MTUS1: variants seen among roughly 807,000 people sequenced by gnomAD.
The protein encoded by MTUS1 is microtubule associated scaffold protein 1.
MTUS1 carries 109 observed loss-of-function variants against 120.8 expected under a neutral mutation model. The observed-to-expected ratio is 0.90, with a 90% confidence interval of 0.77 to 1.06. The LOEUF is 1.06. MTUS1 is among the 50% of genes least tolerant of loss of function. The probability of loss-of-function intolerance (pLI) is 0.00; values close to 1 mark genes in which losing one functional copy is unlikely to be tolerated. For missense variants in MTUS1, 2,210 were observed against 1,486.3 expected (o/e 1.49, Z -8.01); for synonymous variants, 737 against 550.5 (o/e 1.34, Z -4.74).
chr8:17,655,731 A>T, intron 9 of MTUS1, 132 bp downstream of exon 9: 1 of 805,744 alleles, frequency 1.2e-6, no homozygotes, highest in Non-Finnish European at 2.0e-6. Flanking sequence ...ACTCTGTCTT[A>T]AATAAACAAC....
At position 17,755,455 on chromosome 8, in the gene MTUS1, T is replaced by C; in HGVS notation, c.353A>G (p.Gln118Arg). 6.2e-7 allele frequency: 1 copy of C among 1,614,170 alleles called. No individual in the cohort carries two copies. The highest frequency in any genetic ancestry group is 8.5e-7 in the Non-Finnish European group (1 of 1,180,002). Residue 118 changes from glutamine (Q) to arginine (R), a missense_variant, in exon 2 of 15, where the codon CAA becomes CGA. Physicochemically the swap from Gln to Arg is conservative, Grantham distance 43 (BLOSUM62 1). Transcript: ENST00000693296. ...LVGTEKPKYLQHSCHSLEAVE... is the reference protein window; with the variant it reads ...LVGTEKPKYLRHSCHSLEAVE... Reference sequence around the variant, plus strand: ...TGCTTCTAGGGAATGACAACTGTGTTGCAGATATTTGGGCTTCTCAGTACC... The same window carrying C: ...TGCTTCTAGGGAATGACAACTGTGTCGCAGATATTTGGGCTTCTCAGTACC...
intron 12 of MTUS1, among the ~76,000 whole-genome samples, chr8:17,650,751 C>T (rs763616598): frequency 9.2e-5 from 14 of 152,178 alleles, no homozygotes; most frequent in East Asian, 1.9e-4. Flanking sequence ...TCAGGGGAGG[C>T]GTCCTCTGAG....
chr8:17,745,555 A>C (rs1187293476), intron 2 of MTUS1, among the ~76,000 whole-genome samples: 1 of 152,194 alleles, frequency 6.6e-6, no homozygotes, highest in Non-Finnish European at 1.5e-5. Context: ...TTTTACTATG[A>C]AACAATTAAA....
At chr8:17,695,982 A>T (rs1467979461) in intron 6 of MTUS1, among the ~76,000 whole-genome samples, 1 of 152,180 alleles carries the variant, frequency 6.6e-6, no homozygotes, top group African/African-American at 2.4e-5. Flanking sequence ...TGGAGCGTGG[A>T]TTACAGTATT....
intron 6 of MTUS1, among the ~76,000 whole-genome samples, chr8:17,689,491 A>G (rs912307050): frequency 6.6e-6 from 1 of 152,234 alleles, no homozygotes; most frequent in Non-Finnish European, 1.5e-5. Context: ...CTGAAGCAAC[A>G]GTCCAAACTT....
intron 8 of MTUS1, among the ~76,000 whole-genome samples, chr8:17,665,411 G>C (rs970050156): frequency 3.9e-5 from 6 of 152,160 alleles, no homozygotes; most frequent in African/African-American, 1.4e-4. Context: ...TCTCACATTT[G>C]TTTCATTTAA....
chr8:17,700,727 T>C, intron 6 of MTUS1, among the ~76,000 whole-genome samples: 1 of 151,918 alleles, frequency 6.6e-6, no homozygotes, highest in East Asian at 1.9e-4. Flanking sequence ...AGAAAAAAAT[T>C]AAAAAGTTTA....
intron 1 of MTUS1, among the ~76,000 whole-genome samples, chr8:17,786,492 C>CTCTTTAAGTGT (rs2051312216): frequency 6.6e-6 from 1 of 152,086 alleles, no homozygotes; most frequent in Admixed American, 6.6e-5. Context: ...AGATAGGAAG[C>CTCTTTAAGTGT]GTGAACTGAC....
At chr8:17,707,709 C>T (rs572954370) in intron 6 of MTUS1, among the ~76,000 whole-genome samples, 2 of 152,260 alleles carry the variant, frequency 1.3e-5, no homozygotes, top group South Asian at 2.1e-4. Context: ...AAAAGAAAGA[C>T]GTTGAATGAC....
chr8:17,679,593 T>C (rs1813901571), intron 7 of MTUS1, among the ~76,000 whole-genome samples: 1 of 151,940 alleles, frequency 6.6e-6, no homozygotes, highest in African/African-American at 2.4e-5. Context: ...CCTCCACCTA[T>C]TGGGTTCAAG....
chr8:17,735,023 T>C (rs1243536554), intron 3 of MTUS1, among the ~76,000 whole-genome samples: 1 of 152,146 alleles, frequency 6.6e-6, no homozygotes, highest in East Asian at 1.9e-4. Flanking sequence ...GAGATCCTCC[T>C]GTCTCAGGCT....
At chr8:17,647,458 G>GA (rs112070816) in intron 13 of MTUS1, among the ~76,000 whole-genome samples, 14,867 of 136,050 alleles carry the variant, frequency 0.11, 835 homozygotes, top group South Asian at 0.19. Flanking sequence ...AATTTTGCTG[G>GA]AAAAAAAAAA....
intron 3 of MTUS1, among the ~76,000 whole-genome samples, chr8:17,740,630 A>C (rs1405869271): frequency 6.6e-6 from 1 of 152,200 alleles, no homozygotes; most frequent in Non-Finnish European, 1.5e-5. Context: ...TTTTCTGTAA[A>C]ACATAATACA....
chr8:17,704,818 G>C (rs1477778516), intron 6 of MTUS1, among the ~76,000 whole-genome samples: 1 of 152,082 alleles, frequency 6.6e-6, no homozygotes, highest in African/African-American at 2.4e-5. Context: ...CTGGGATTTT[G>C]ATAGGGATTG....
At chr8:17,747,270 T>G (rs1200247385) in intron 2 of MTUS1, among the ~76,000 whole-genome samples, 1 of 152,196 alleles carries the variant, frequency 6.6e-6, no homozygotes, top group African/African-American at 2.4e-5. Flanking sequence ...TCTTCTCATA[T>G]TTCTTCAGCT....
chr8:17,725,511 C>G (rs540357989), intron 3 of MTUS1, among the ~76,000 whole-genome samples: 3 of 152,314 alleles, frequency 2.0e-5, no homozygotes, highest in African/African-American at 7.2e-5. Context: ...ACAGGCACAT[C>G]ATTTCTTTTC....
intron 1 of MTUS1, among the ~76,000 whole-genome samples, chr8:17,795,606 CT>C (rs149264550): frequency 0.025 from 3,762 of 151,862 alleles, 149 homozygotes; most frequent in African/African-American, 0.086. Context: ...GTTTTTCTTA[CT>C]TTTATTTATG....
intron 1 of MTUS1, among the ~76,000 whole-genome samples, chr8:17,757,371 A>T (rs2048703794): frequency 6.6e-6 from 1 of 152,222 alleles, no homozygotes; most frequent in African/African-American, 2.4e-5. Flanking sequence ...AGTGGCTGCT[A>T]ATTGGGATGA....
rs1463572214 is a variant in MTUS1 at position 17,655,972 on chromosome 8, T to C, written c.2999A>G (p.Lys1000Arg). The part of the protein sequence containing the change: ...EAFVQQHQAE[K>R]TERENRLKEF... ...TTTAAGCCGATTCTCTCGTTCTGTT[T>C]TTTCAGCCTGGTGCTGCTGGACGAA... Residue 1000 changes from lysine (K) to arginine (R), a missense_variant, in exon 9 of 15, where the codon AAA (lysine) becomes AGA (arginine). By Grantham distance (26) the Lys-to-Arg change is conservative. Transcript: ENST00000693296. 2 of 1,614,240 alleles carry C rather than the reference T, an allele frequency of 1.2e-6. No individual in the cohort carries two copies. Among genetic ancestry groups the C allele is most frequent in the South Asian group, 2.2e-5 (2 of 91,082 alleles).
Sources: allele counts gnomAD v4.1 joint callset (sites outside exome capture counted in the v4.1 genomes callset), GRCh38; gene constraint gnomAD v4.1.1; transcripts MANE v1.5; gene names NCBI Gene and HGNC (gene_info 2026-07-23, HGNC 2026-07-21).